Variants in RALGPS2 observed in about 807,000 individuals in gnomAD.
The protein encoded by RALGPS2 is Ral GEF with PH domain and SH3 binding motif 2.
Under a neutral mutation model 86.8 loss-of-function variants are expected in RALGPS2, and 43 were observed. The ratio of observed to expected loss-of-function variants is 0.50; its 90% CI spans 0.39 to 0.64. RALGPS2 has a LOEUF of 0.64. Among genes scored for constraint, RALGPS2 ranks in the 30% least tolerant of loss-of-function variants. The pLI, the probability that RALGPS2 is intolerant of heterozygous loss-of-function variation, is 0.00. For missense variants in RALGPS2, 536 were observed against 694.6 expected (o/e 0.77, Z 2.57); for synonymous variants, 243 against 231.3 (o/e 1.05, Z -0.46).
chr1:178,821,569 GTTC>G, intron 6 of RALGPS2, 40 bp from the exon 7 acceptor site: 1 of 1,476,018 alleles, frequency 6.8e-7, no homozygotes, highest in South Asian at 1.2e-5. Context: ...TATTCATGTT[GTTC>G]TTTTTCATCC....
chr1:178,765,033 C>T lies in RALGPS2; in HGVS notation c.-83-11649C>T, dbSNP rs779723159. 4.1e-4 allele frequency among the ~76,000 whole-genome samples: 62 copies of T among 152,118 alleles called. 1 individual carries two copies. The highest frequency in any genetic ancestry group is 1.1e-3 in the Admixed American group (17 of 15,248). ...TGGCCATGTGAAGATATGCTTGCTT[C>T]CCCTTTGCCTTCTGCCATGATTGTA... On this transcript the variant is annotated intron_variant, in intron 1 of 19. Coordinates refer to ENST00000367635, the MANE Select transcript of RALGPS2 (RefSeq NM_152663.5).
chr1:178,834,054 T>C (rs538879204), intron 8 of RALGPS2, among the ~76,000 whole-genome samples: 31 of 152,306 alleles, frequency 2.0e-4, no homozygotes, highest in Admixed American at 6.5e-4. Flanking sequence ...AGAATTTATC[T>C]CTTTATTATA....
intron 8 of RALGPS2, chr1:178,851,367 T>C (rs1331353376): frequency 4.1e-6 from 6 of 1,470,076 alleles, no homozygotes; most frequent in African/African-American, 1.4e-5. Context: ...CTAGGTGTGG[T>C]ACTCTGCAAT....
intron 6 of RALGPS2, among the ~76,000 whole-genome samples, chr1:178,812,967 C>T (rs1655056778): frequency 7.6e-6 from 1 of 132,252 alleles, no homozygotes; most frequent in Non-Finnish European, 1.5e-5. Context: ...GTGTTGCGCT[C>T]TGTGGCCCAG....
At chr1:178,825,009 GAA>G (rs1032663596) in intron 7 of RALGPS2, among the ~76,000 whole-genome samples, 2 of 152,104 alleles carry the variant, frequency 1.3e-5, no homozygotes, top group East Asian at 1.9e-4. Flanking sequence ...TTTGAAGAAA[GAA>G]GAGAGGATAT....
intron 4 of RALGPS2, among the ~76,000 whole-genome samples, chr1:178,790,690 A>AT (rs1198305417): frequency 1.3e-5 from 2 of 152,218 alleles, no homozygotes; most frequent in African/African-American, 4.8e-5. Flanking sequence ...ACTTTAATGC[A>AT]TTGATCACTG....
chr1:178,781,101 G>T (rs1460171649), intron 2 of RALGPS2, among the ~76,000 whole-genome samples: 5 of 151,848 alleles, frequency 3.3e-5, no homozygotes, highest in African/African-American at 1.2e-4. Flanking sequence ...ACAAATATTT[G>T]TTAAATAAAA....
intron 1 of RALGPS2, among the ~76,000 whole-genome samples, chr1:178,737,929 C>T (rs1029321681): frequency 1.2e-4 from 18 of 151,956 alleles, no homozygotes; most frequent in Non-Finnish European, 2.5e-4. Flanking sequence ...GGGTGCACAC[C>T]ACCACCCCTG....
chr1:178,873,808 A>G (rs1572437832), intron 8 of RALGPS2, among the ~76,000 whole-genome samples: 1 of 152,240 alleles, frequency 6.6e-6, no homozygotes, highest in Non-Finnish European at 1.5e-5. Context: ...TAGAAACAAA[A>G]TAGACGAAGC....
intron 4 of RALGPS2, among the ~76,000 whole-genome samples, chr1:178,795,857 CATA>C (rs1263073604): frequency 6.6e-6 from 1 of 152,132 alleles, no homozygotes; most frequent in Non-Finnish European, 1.5e-5. Flanking sequence ...TCAGGAATAT[CATA>C]ATTCTATCCT....
chr1:178,835,424 G>A lies in RALGPS2; in HGVS notation c.607+1874G>A, dbSNP rs187383469. The stretch of plus-strand genomic sequence containing the variant: ...TTTTTTTTTTTTGCGACAGAGTCTC[G>A]CTCTGTTGTCCAGGCTAGAGTGCAG... On this transcript the variant is annotated intron_variant, in intron 8 of 19. Transcript: ENST00000367635. 1.4e-3 allele frequency among the ~76,000 whole-genome samples: 185 copies of A among 136,212 alleles called. 2 individuals carry two copies. Among genetic ancestry groups the A allele is most frequent in the African/African-American group, 4.7e-3 (166 of 35,692 alleles). 89.4% of individuals were successfully genotyped at this position (136,212 alleles called of 152,430 possible).
intron 18 of RALGPS2, among the ~76,000 whole-genome samples, chr1:178,904,976 C>T (rs1184554834): frequency 6.6e-6 from 1 of 152,156 alleles, no homozygotes; most frequent in African/African-American, 2.4e-5. Flanking sequence ...TTCTACCCAT[C>T]CATGAGCATG....
In RALGPS2 at chr1:178,866,522, T is replaced by C. The variant is rs117752397; in HGVS notation, c.608-10976T>C. Reference sequence around the variant, plus strand: ...TGTAATTATATGTACTCTGAGCTTATAGATAATTCAGCAGGTTTGTTCTTC... The same window carrying C: ...TGTAATTATATGTACTCTGAGCTTACAGATAATTCAGCAGGTTTGTTCTTC... On this transcript the variant is annotated intron_variant, in intron 8 of 19. Transcript: ENST00000367635. 1.2e-3 allele frequency among the ~76,000 whole-genome samples: 183 copies of C among 152,304 alleles called. 1 individual carries two copies. Among genetic ancestry groups the C allele is most frequent in the Middle Eastern group, 3.4e-3 (1 of 292 alleles).
intron 10 of RALGPS2, among the ~76,000 whole-genome samples, chr1:178,881,553 C>A (rs1051913917): frequency 2.6e-5 from 4 of 152,110 alleles, no homozygotes; most frequent in Non-Finnish European, 5.9e-5. Context: ...GGGGTTCAAG[C>A]AATTCTTCTG....
intron 19 of RALGPS2, among the ~76,000 whole-genome samples, chr1:178,913,788 C>A (rs1354861205): frequency 6.6e-6 from 1 of 152,184 alleles, no homozygotes; most frequent in Non-Finnish European, 1.5e-5. Flanking sequence ...CTGTAACTCC[C>A]AAGGGGCTGG....
At chr1:178,805,714 C>T (rs946164472) in intron 4 of RALGPS2, among the ~76,000 whole-genome samples, 37 of 152,086 alleles carry the variant, frequency 2.4e-4, no homozygotes, top group Non-Finnish European at 5.3e-4. Flanking sequence ...GATGATTTCA[C>T]TGTCTTATAT....
intron 10 of RALGPS2, among the ~76,000 whole-genome samples, chr1:178,882,035 A>G (rs766908641): frequency 9.9e-5 from 15 of 152,160 alleles, no homozygotes; most frequent in Non-Finnish European, 1.9e-4. Context: ...ATTTTATTTT[A>G]ATACTGAACA....
intron 17 of RALGPS2, 119 bp downstream of exon 17, chr1:178,897,875 T>C (rs1660015619): frequency 1.3e-5 from 9 of 702,720 alleles, no homozygotes; most frequent in East Asian, 8.2e-5. Flanking sequence ...TCCTATCTTC[T>C]AGTCCAAAAG....
Position 178,921,294 on chromosome 1 carries a change from G to T in RALGPS2, c.*4935G>T, listed in dbSNP as rs1378934977. 1 of 151,876 alleles carries T rather than the reference G, an allele frequency of 6.6e-6. No individual in the cohort carries two copies. Among genetic ancestry groups the T allele is most frequent in the African/African-American group, 2.4e-5 (1 of 41,376 alleles). The allele number at this position is 151,876 out of a possible 1,614,324, so 9.4% of individuals were successfully genotyped here. A position where few individuals can be genotyped will look rare whatever the true frequency, so the allele number is the denominator to read the frequency against. On this transcript the variant is annotated 3_prime_UTR_variant, in exon 20 of 20. Transcript: ENST00000367635. Reference sequence around the variant, plus strand: ...TCTTTTTTTTCTTAATAGAAAAGCAGAAACTTCATAAATAATAGCTGTGCT... The same window carrying T: ...TCTTTTTTTTCTTAATAGAAAAGCATAAACTTCATAAATAATAGCTGTGCT...
Sources: allele counts gnomAD v4.1 joint callset (sites outside exome capture counted in the v4.1 genomes callset), GRCh38; gene constraint gnomAD v4.1.1; transcripts MANE v1.5; gene names NCBI Gene and HGNC (gene_info 2026-07-23, HGNC 2026-07-21).